The following SOX5 variants were observed in gnomAD, a reference collection of about 807,000 sequenced individuals.
The protein encoded by SOX5 is SRY-box transcription factor 5.
In SOX5, 9 loss-of-function variants were observed where a neutral mutation model predicts 92.0. That is an observed-to-expected ratio of 0.10 (90% CI 0.06 to 0.17). The LOEUF (loss-of-function observed/expected upper bound fraction) is 0.17, where lower values mean the gene tolerates loss of function less well. Among genes scored for constraint, SOX5 ranks in the 10% least tolerant of loss-of-function variants. SOX5 has a pLI of 1.00. For missense variants in SOX5, 642 were observed against 944.5 expected (o/e 0.68, Z 4.20); for synonymous variants, 344 against 336.3 (o/e 1.02, Z -0.25).
intron 3 of SOX5, among the ~76,000 whole-genome samples, chr12:23,773,497 G>A (rs931149136): frequency 2.6e-5 from 4 of 151,930 alleles, no homozygotes; most frequent in Non-Finnish European, 5.9e-5. Flanking sequence ...TCAGCCTTCC[G>A]AGTAGCTAGG....
chr12:23,946,002 T>C (rs1334717919), intron 1 of SOX5, among the ~76,000 whole-genome samples: 1 of 152,162 alleles, frequency 6.6e-6, no homozygotes, highest in African/African-American at 2.4e-5. Context: ...AATTAGTTTG[T>C]AACAGCACCT....
At chr12:24,243,824 C>T (rs1350217137) in intron 3 of SOX5, among the ~76,000 whole-genome samples, 1 of 152,066 alleles carries the variant, frequency 6.6e-6, no homozygotes, top group Non-Finnish European at 1.5e-5. Flanking sequence ...AATAAAGTTT[C>T]TCCACCTAAC....
At chr12:23,579,556 T>C (rs1181087489) in intron 9 of SOX5, among the ~76,000 whole-genome samples, 1 of 152,168 alleles carries the variant, frequency 6.6e-6, no homozygotes, top group Non-Finnish European at 1.5e-5. Context: ...TTCTATTAAT[T>C]ATTTTTCATT....
intron 4 of SOX5, among the ~76,000 whole-genome samples, chr12:24,174,094 T>C (rs541929090): frequency 3.3e-4 from 50 of 151,962 alleles, no homozygotes; most frequent in Non-Finnish European, 6.2e-4. Context: ...GCCTCCTGGG[T>C]TCAAGTGATC....
chr12:23,751,832 C>A (rs2094189900), intron 4 of SOX5, among the ~76,000 whole-genome samples: 1 of 151,898 alleles, frequency 6.6e-6, no homozygotes, highest in African/African-American at 2.4e-5. Context: ...GCCCCTGGCA[C>A]TTTTGCTAAA....
intron 9 of SOX5, among the ~76,000 whole-genome samples, chr12:23,578,144 A>AAAAAAAAAAAG (rs1432589481): frequency 2.2e-5 from 3 of 134,906 alleles, no homozygotes; most frequent in Non-Finnish European, 3.2e-5. Flanking sequence ...AAAAAAAAAA[A>AAAAAAAAAAAG]AAAAAACTAT....
At chr12:24,117,947 A>G (rs1316556966) in intron 4 of SOX5, among the ~76,000 whole-genome samples, 1 of 146,036 alleles carries the variant, frequency 6.8e-6, no homozygotes, top group East Asian at 2.1e-4. Context: ...TGAACCTGGG[A>G]GGCAGAGGTT....
At chr12:23,704,679 T>C (rs1006936396) in intron 6 of SOX5, among the ~76,000 whole-genome samples, 2 of 94,258 alleles carry the variant, frequency 2.1e-5, no homozygotes, top group African/African-American at 7.6e-5. Flanking sequence ...TGGGCATATA[T>C]ATGCATGCAT....
chr12:24,447,861 T>C (rs1316170065), intron 1 of SOX5, among the ~76,000 whole-genome samples: 1 of 152,100 alleles, frequency 6.6e-6, no homozygotes, highest in Non-Finnish European at 1.5e-5. Context: ...CAAGGTGCCA[T>C]GCTTGGAGAG....
chr12:24,099,807 C>T (rs1249788332), intron 4 of SOX5, among the ~76,000 whole-genome samples: 3 of 152,120 alleles, frequency 2.0e-5, no homozygotes, highest in East Asian at 1.9e-4. Flanking sequence ...CTCCTCCCTA[C>T]ACTGCCCCTT....
At chr12:23,751,095 C>T (rs4540919) in intron 4 of SOX5, among the ~76,000 whole-genome samples, 101,177 of 151,696 alleles carry the variant, frequency 0.67, 34,064 homozygotes, top group African/African-American at 0.72. Flanking sequence ...AACTATAAAA[C>T]AAGCTTAGTT....
At chr12:24,524,943 G>T (rs987641670) in intron 1 of SOX5, among the ~76,000 whole-genome samples, 3 of 152,136 alleles carry the variant, frequency 2.0e-5, no homozygotes, top group African/African-American at 7.2e-5. Context: ...CACTCTGAGT[G>T]ACACAACAGG....
intron 1 of SOX5, among the ~76,000 whole-genome samples, chr12:24,506,581 TA>T (rs1386012434): frequency 6.6e-6 from 1 of 151,926 alleles, no homozygotes; most frequent in African/African-American, 2.4e-5. Context: ...AGACTGATGG[TA>T]GGGGTGAATA....
At chr12:24,261,431 T>C (rs12308389) in intron 3 of SOX5, among the ~76,000 whole-genome samples, 2,891 of 152,308 alleles carry the variant, frequency 0.019, 80 homozygotes, top group African/African-American at 0.064. Context: ...ACAGTTTCTG[T>C]TGGGGAACCT....
chr12:23,805,937 TA>T (rs1049225821), intron 3 of SOX5, among the ~76,000 whole-genome samples: 44 of 152,208 alleles, frequency 2.9e-4, no homozygotes, highest in Non-Finnish European at 1.9e-4. Context: ...ATTACTCTTC[TA>T]GGGGTAGTGC....
intron 1 of SOX5, among the ~76,000 whole-genome samples, chr12:23,946,370 T>C (rs538907510): frequency 6.6e-6 from 1 of 152,006 alleles, no homozygotes; most frequent in Non-Finnish European, 1.5e-5. Flanking sequence ...TTAGAAACTG[T>C]AACGGGAAGC....
intron 1 of SOX5, among the ~76,000 whole-genome samples, chr12:23,909,904 G>C (rs890771448): frequency 1.3e-5 from 2 of 151,712 alleles, no homozygotes; most frequent in African/African-American, 4.8e-5. Flanking sequence ...GTTCCAAAGG[G>C]GACCAAATCC....
chr12:23,707,515 G>T (rs1223293080), intron 6 of SOX5, among the ~76,000 whole-genome samples: 1 of 152,014 alleles, frequency 6.6e-6, no homozygotes, highest in Non-Finnish European at 1.5e-5. Flanking sequence ...TATAGGCCAG[G>T]GCGTACTACA....
At chr12:23,756,461 T>C (rs1421044995) in intron 3 of SOX5, among the ~76,000 whole-genome samples, 6 of 151,882 alleles carry the variant, frequency 4.0e-5, no homozygotes, top group African/African-American at 1.4e-4. Context: ...GGTTTTGACC[T>C]TTCCTTTTGT....
Sources: allele counts gnomAD v4.1 joint callset (sites outside exome capture counted in the v4.1 genomes callset), GRCh38; gene constraint gnomAD v4.1.1; transcripts MANE v1.5; gene names NCBI Gene and HGNC (gene_info 2026-07-23, HGNC 2026-07-21).